The following TNPO1 variants were observed in gnomAD, a reference collection of about 807,000 sequenced individuals.
TNPO1 encodes transportin 1, also known as transportin-1.
A neutral mutation model predicts 119.5 loss-of-function variants in TNPO1; 8 were observed. That is an observed-to-expected ratio of 0.07 (90% CI 0.04 to 0.12). The LOEUF (loss-of-function observed/expected upper bound fraction) is 0.12. Ranked by LOEUF, TNPO1 falls within the 10% of genes least tolerant of loss-of-function variation. The pLI, the probability that TNPO1 is intolerant of heterozygous loss-of-function variation, is 1.00. For synonymous variants in TNPO1, 362 were observed against 363.0 expected (o/e 1.00, Z 0.03); for missense variants, 576 against 1,089.8 (o/e 0.53, Z 6.64).
chr5:72,875,502 G>T, intron 7 of TNPO1, 113 bp from the exon 8 acceptor site: 27 of 1,049,170 alleles, frequency 2.6e-5, no homozygotes, highest in Non-Finnish European at 3.5e-5. Flanking sequence ...GGCCAATTCA[G>T]TCAGTTTTTG....
intron 1 of TNPO1, among the ~76,000 whole-genome samples, chr5:72,832,753 A>G (rs1240143969): frequency 6.6e-6 from 1 of 152,148 alleles, no homozygotes. Context: ...AAATAGTGTA[A>G]TTTGGAAAAG....
chr5:72,903,811 A>T (rs1462714695), intron 23 of TNPO1, 28 bp downstream of exon 23: 3 of 1,407,448 alleles, frequency 2.1e-6, no homozygotes, highest in Non-Finnish European at 3.0e-6. Context: ...ATAATGCATC[A>T]TCTTGAGACT....
At chr5:72,885,189 C>T (rs1580454647) in intron 11 of TNPO1, among the ~76,000 whole-genome samples, 1 of 152,192 alleles carries the variant, frequency 6.6e-6, no homozygotes, top group Non-Finnish European at 1.5e-5. Context: ...TTCCAACAAC[C>T]TTGAATAGGC....
chr5:72,892,231 A>G (rs1749115790), intron 15 of TNPO1, among the ~76,000 whole-genome samples: 1 of 152,066 alleles, frequency 6.6e-6, no homozygotes. Flanking sequence ...TGGTGCCAGT[A>G]AGGAGGTACT....
Position 72,912,282 on chromosome 5 carries a change from A to G in TNPO1, c.*3609A>G, listed in dbSNP as rs1016173931. On this transcript the variant is annotated 3_prime_UTR_variant, in exon 25 of 25. Coordinates refer to ENST00000337273, the MANE Select transcript of TNPO1 (RefSeq NM_002270.4). ...AAGTAGCATACATTTTGTAATTAAC[A>G]TTGATAAACACTGTGATTTTTTTGG... 2 of 152,542 alleles carry G rather than the reference A, an allele frequency of 1.3e-5. No individual in the cohort carries two copies. The highest frequency in any genetic ancestry group is 6.6e-5 in the Admixed American group (1 of 15,262). 9.4% of individuals were successfully genotyped at this position (152,542 alleles called of 1,614,324 possible). A position where few individuals can be genotyped will look rare whatever the true frequency, so the allele number is the denominator to read the frequency against.
chr5:72,837,180 T>C (rs1237898603), intron 1 of TNPO1, among the ~76,000 whole-genome samples: 2 of 152,202 alleles, frequency 1.3e-5, no homozygotes, highest in Non-Finnish European at 1.5e-5. Flanking sequence ...TCCTGTGCTA[T>C]AACAAAATAT....
In TNPO1 at chr5:72,851,279, C is replaced by T; in HGVS notation, c.165C>T (p.Asn55=). ...AACTTAATCAGTATCCAGACTTTAA[C>T]AACTACTTGATTTTTGTTCTTACAA... ...LEQLNQYPDF[N]NYLIFVLTKL... Residue 55 remains asparagine (N), a synonymous_variant, in exon 3 of 25, where the codon AAC becomes AAT. Transcript: ENST00000337273. 1 of 1,602,590 alleles carries T rather than the reference C, an allele frequency of 6.2e-7. No individual in the cohort carries two copies. Among genetic ancestry groups the T allele is most frequent in the Non-Finnish European group, 8.5e-7 (1 of 1,171,812 alleles).
intron 5 of TNPO1, among the ~76,000 whole-genome samples, chr5:72,863,027 G>GGT: frequency 8.3e-6 from 1 of 120,096 alleles, no homozygotes; most frequent in East Asian, 2.2e-4. Context: ...TGTGTGTGTG[G>GGT]TTTTTTTTGT....
chr5:72,822,015 A>G (rs1366020486), intron 1 of TNPO1, among the ~76,000 whole-genome samples: 1 of 152,174 alleles, frequency 6.6e-6, no homozygotes, highest in Non-Finnish European at 1.5e-5. Context: ...GCCAGATTTG[A>G]CTAAGGTCTT....
chr5:72,872,586 A>C, intron 6 of TNPO1, 53 bp from the exon 7 acceptor site: 2 of 1,305,340 alleles, frequency 1.5e-6, no homozygotes, highest in Non-Finnish European at 2.2e-6. Context: ...AATTTTCTAT[A>C]GATAGAACAA....
chr5:72,901,706 C>G (rs1301862923), intron 22 of TNPO1, among the ~76,000 whole-genome samples: 1 of 152,110 alleles, frequency 6.6e-6, no homozygotes, highest in African/African-American at 2.4e-5. Flanking sequence ...ATTCAGTGAA[C>G]AAAATGCTAA....
At chr5:72,885,743 G>GTTTTTTTTTTTTTTTTTTTGTTTTTT (rs34593186) in intron 11 of TNPO1, among the ~76,000 whole-genome samples, 1 of 136,164 alleles carries the variant, frequency 7.3e-6, no homozygotes, top group African/African-American at 2.7e-5. Context: ...GTTTGGTTTG[G>GTTTTTTTTTTTTTTTTTTTGTTTTTT]TTTTTTTTTT....
chr5:72,886,997 G>A (rs1748701234), intron 11 of TNPO1, 73 bp from the exon 12 acceptor site: 3 of 1,262,868 alleles, frequency 2.4e-6, no homozygotes, highest in African/African-American at 1.6e-5. Flanking sequence ...CGAATAAAAT[G>A]TTACATATAC....
intron 3 of TNPO1, among the ~76,000 whole-genome samples, chr5:72,854,604 C>G (rs1244659729): frequency 1.3e-5 from 2 of 152,130 alleles, no homozygotes; most frequent in African/African-American, 4.8e-5. Context: ...GTGAATAATA[C>G]CTGCCTCATG....
intron 5 of TNPO1, among the ~76,000 whole-genome samples, chr5:72,864,857 C>T (rs902597854): frequency 4.6e-5 from 7 of 152,078 alleles, no homozygotes; most frequent in African/African-American, 7.2e-5. Context: ...AATCCACCCG[C>T]GTCGGCCTCC....
intron 6 of TNPO1, among the ~76,000 whole-genome samples, chr5:72,870,796 A>C (rs1372733294): frequency 2.0e-5 from 3 of 152,176 alleles, no homozygotes; most frequent in Non-Finnish European, 4.4e-5. Flanking sequence ...TTACATGCAC[A>C]CAAAAAAAAT....
At chr5:72,872,487 T>C (rs1396275371) in intron 6 of TNPO1, 152 bp from the exon 7 acceptor site, 5 of 532,592 alleles carry the variant, frequency 9.4e-6, no homozygotes, top group East Asian at 9.3e-5. Context: ...TCAAATTCTT[T>C]CCTTGTTGAT....
In TNPO1 at chr5:72,901,967, C is replaced by T. The variant is rs574590424; in HGVS notation, c.2514+894C>T. 3.3e-5 allele frequency among the ~76,000 whole-genome samples: 5 copies of T among 151,772 alleles called. No homozygotes were observed. The East Asian group carries it at 7.8e-4, about 24-fold the overall frequency. Reference sequence around the variant, plus strand: ...GGCAGGTGCCTGTAATCCCAGCTCTCGGGAGGTTGAGGCAGGAGAATTGCT... The same window carrying T: ...GGCAGGTGCCTGTAATCCCAGCTCTTGGGAGGTTGAGGCAGGAGAATTGCT... On this transcript the variant is annotated intron_variant, in intron 22 of 24. Transcript: ENST00000337273.
intron 5 of TNPO1, among the ~76,000 whole-genome samples, chr5:72,863,916 T>G (rs1746677299): frequency 6.6e-6 from 1 of 152,172 alleles, no homozygotes; most frequent in East Asian, 1.9e-4. Context: ...ATAAAAAATT[T>G]AAGCTGCAGT....
Sources: gnomAD v4.1 joint callset for allele counts (sites outside exome capture counted in the v4.1 genomes callset) on GRCh38, gnomAD v4.1.1 for gene constraint, MANE v1.5 for transcripts, NCBI Gene and HGNC (gene_info 2026-07-23, HGNC 2026-07-21) for gene names.